The following LRRC4C variants were observed in gnomAD, a reference collection of about 807,000 sequenced individuals.
LRRC4C encodes leucine rich repeat containing 4C, also known as leucine-rich repeat-containing protein 4C.
LRRC4C carries 5 observed loss-of-function variants against 33.6 expected under a neutral mutation model. That is an observed-to-expected ratio of 0.15 (90% CI 0.08 to 0.31). The LOEUF is 0.31. LRRC4C is among the 10% of genes least tolerant of loss of function. The pLI, the probability that LRRC4C is intolerant of heterozygous loss-of-function variation, is 1.00. For missense variants in LRRC4C, 560 were observed against 796.7 expected, an observed-to-expected ratio of 0.70 and a Z score of 3.58; for synonymous variants, 329 against 302.0, an observed-to-expected ratio of 1.09 and a Z score of -0.93.
intron 1 of LRRC4C, among the ~76,000 whole-genome samples, chr11:41,340,492 G>C (rs1405498900): frequency 6.6e-6 from 1 of 152,078 alleles, no homozygotes; most frequent in Non-Finnish European, 1.5e-5. Context: ...CATTACTCTT[G>C]GTTAGGGAAC....
At chr11:40,475,736 C>T (rs1459797016) in intron 3 of LRRC4C, among the ~76,000 whole-genome samples, 1 of 152,102 alleles carries the variant, frequency 6.6e-6, no homozygotes, top group African/African-American at 2.4e-5. Context: ...TACAACTTCA[C>T]AAAATTGTTA....
intron 1 of LRRC4C, among the ~76,000 whole-genome samples, chr11:41,100,216 G>C (rs995258156): frequency 1.3e-5 from 2 of 152,138 alleles, no homozygotes; most frequent in Non-Finnish European, 2.9e-5. Context: ...AGAAATCAGA[G>C]ATGATGCAAA....
chr11:40,731,186 G>A (rs948985969), intron 2 of LRRC4C, among the ~76,000 whole-genome samples: 2 of 151,764 alleles, frequency 1.3e-5, no homozygotes, highest in African/African-American at 4.8e-5. Context: ...GGGCGTGGTG[G>A]CAAGTGCCTG....
intron 1 of LRRC4C, among the ~76,000 whole-genome samples, chr11:40,984,363 A>AGAAAGAAAG (rs1375965996): frequency 8.3e-6 from 1 of 120,296 alleles, no homozygotes. Flanking sequence ...AAAGAAAGAA[A>AGAAAGAAAG]AAAGAAAGAA....
intron 5 of LRRC4C, among the ~76,000 whole-genome samples, chr11:40,184,877 T>G (rs766165616): frequency 1.3e-5 from 2 of 152,230 alleles, no homozygotes; most frequent in Non-Finnish European, 2.9e-5. Flanking sequence ...TTAGGACAGC[T>G]TGTGCTCACA....
chr11:41,243,002 T>C (rs563376413), intron 1 of LRRC4C, among the ~76,000 whole-genome samples: 4 of 152,320 alleles, frequency 2.6e-5, no homozygotes, highest in African/African-American at 9.6e-5. Flanking sequence ...TCTATCCCTG[T>C]TTTTGAAAAA....
chr11:40,373,885 A>G (rs979193784), intron 3 of LRRC4C, among the ~76,000 whole-genome samples: 32 of 152,348 alleles, frequency 2.1e-4, no homozygotes, highest in African/African-American at 7.5e-4. Flanking sequence ...ACATATTTGT[A>G]CAGCCTACAG....
chr11:41,102,528 C>A (rs1336790500), intron 1 of LRRC4C, among the ~76,000 whole-genome samples: 1 of 151,994 alleles, frequency 6.6e-6, no homozygotes, highest in Non-Finnish European at 1.5e-5. Context: ...TAAAATATTA[C>A]TTTCATACTT....
At chr11:41,375,324 C>T (rs747064717) in intron 1 of LRRC4C, among the ~76,000 whole-genome samples, 4 of 151,450 alleles carry the variant, frequency 2.6e-5, no homozygotes, top group Non-Finnish European at 5.9e-5. Context: ...GTGTGACATA[C>T]GTAAGTACAA....
chr11:40,805,295 G>C (rs1420309739), intron 2 of LRRC4C, among the ~76,000 whole-genome samples: 2 of 152,216 alleles, frequency 1.3e-5, no homozygotes, highest in East Asian at 3.9e-4. Context: ...CAGTAAAGCA[G>C]ACTCTAAAAC....
chr11:40,442,780 G>A (rs1303414944), intron 3 of LRRC4C, among the ~76,000 whole-genome samples: 1 of 152,112 alleles, frequency 6.6e-6, no homozygotes, highest in African/African-American at 2.4e-5. Flanking sequence ...ATAACTCACT[G>A]TACAGCCATT....
At chr11:40,785,282 A>G (rs896542701) in intron 2 of LRRC4C, among the ~76,000 whole-genome samples, 1 of 152,132 alleles carries the variant, frequency 6.6e-6, no homozygotes, top group Non-Finnish European at 1.5e-5. Flanking sequence ...CAGTCCCATC[A>G]TTTTTCTATA....
At chr11:41,271,543 A>G (rs1949320943) in intron 1 of LRRC4C, among the ~76,000 whole-genome samples, 1 of 135,816 alleles carries the variant, frequency 7.4e-6, no homozygotes, top group Non-Finnish European at 1.6e-5. Context: ...TTCCACTAAG[A>G]AGCTGCCCCT....
At chr11:41,279,679 C>T (rs1949602830) in intron 1 of LRRC4C, among the ~76,000 whole-genome samples, 1 of 152,126 alleles carries the variant, frequency 6.6e-6, no homozygotes, top group Admixed American at 6.5e-5. Context: ...TCCAGGGAAG[C>T]AGACCTAGGT....
At chr11:40,835,681 A>G (rs1265966405) in intron 2 of LRRC4C, among the ~76,000 whole-genome samples, 1 of 152,188 alleles carries the variant, frequency 6.6e-6, no homozygotes. Flanking sequence ...AAAATTCTAG[A>G]TATCACAAAG....
At chr11:40,595,588 G>T (rs1339163226) in intron 3 of LRRC4C, among the ~76,000 whole-genome samples, 1 of 151,210 alleles carries the variant, frequency 6.6e-6, no homozygotes, top group East Asian at 1.9e-4. Context: ...ACATTCTTTG[G>T]TGCATCATCT....
chr11:40,616,167 C>T (rs1478053690), intron 3 of LRRC4C, among the ~76,000 whole-genome samples: 1 of 152,090 alleles, frequency 6.6e-6, no homozygotes, highest in East Asian at 1.9e-4. Flanking sequence ...AAATGCTCAT[C>T]ATCACTGGCC....
chr11:40,583,828 G>A (rs1046764203), intron 3 of LRRC4C, among the ~76,000 whole-genome samples: 1 of 151,734 alleles, frequency 6.6e-6, no homozygotes, highest in African/African-American at 2.4e-5. Flanking sequence ...TAGGTACTCA[G>A]TGATGCATAA....
intron 1 of LRRC4C, among the ~76,000 whole-genome samples, chr11:41,397,546 G>A (rs561891889): frequency 6.6e-6 from 1 of 151,780 alleles, no homozygotes; most frequent in South Asian, 2.1e-4. Context: ...TAAGGTTTCT[G>A]GTCAGCACTA....
Sources: gnomAD v4.1 joint callset for allele counts (sites outside exome capture counted in the v4.1 genomes callset) on GRCh38, gnomAD v4.1.1 for gene constraint, MANE v1.5 for transcripts, NCBI Gene and HGNC (gene_info 2026-07-23, HGNC 2026-07-21) for gene names.